The following EFNA5 variants were observed in gnomAD, a reference collection of about 807,000 sequenced individuals.
EFNA5 encodes ephrin A5.
In EFNA5, 5 loss-of-function variants were observed where a neutral mutation model predicts 22.9. The ratio of observed to expected loss-of-function variants is 0.22; its 90% CI spans 0.11 to 0.46. The LOEUF (loss-of-function observed/expected upper bound fraction) is 0.46. Ranked by LOEUF, EFNA5 falls within the 20% of genes least tolerant of loss-of-function variation. The pLI, the probability that EFNA5 is intolerant of heterozygous loss-of-function variation, is 0.99. For synonymous variants in EFNA5, 113 were observed against 112.2 expected (o/e 1.01, Z -0.04); for missense variants, 237 against 293.3 (o/e 0.81, Z 1.40).
chr5:107,527,733 T>C (rs1747726255), intron 1 of EFNA5, among the ~76,000 whole-genome samples: 1 of 152,170 alleles, frequency 6.6e-6, no homozygotes, highest in Admixed American at 6.5e-5. Context: ...TTATTTCAGA[T>C]GCCCAACACC....
intron 1 of EFNA5, among the ~76,000 whole-genome samples, chr5:107,583,453 A>G (rs1332832280): frequency 6.6e-6 from 1 of 152,228 alleles, no homozygotes; most frequent in Non-Finnish European, 1.5e-5. Context: ...GCAAGGCAAC[A>G]GAAATACAAT....
At chr5:107,444,370 C>T (rs1011535408) in intron 1 of EFNA5, among the ~76,000 whole-genome samples, 1 of 152,214 alleles carries the variant, frequency 6.6e-6, no homozygotes, top group Non-Finnish European at 1.5e-5. Flanking sequence ...TTAGAATCCT[C>T]GCTGACTTAA....
chr5:107,399,669 A>C (rs1748034389), intron 2 of EFNA5, among the ~76,000 whole-genome samples: 1 of 152,200 alleles, frequency 6.6e-6, no homozygotes, highest in Non-Finnish European at 1.5e-5. Context: ...AGATCAGAGA[A>C]ACCTCTCAGC....
At chr5:107,413,020 T>C (rs1748411868) in intron 2 of EFNA5, among the ~76,000 whole-genome samples, 1 of 152,196 alleles carries the variant, frequency 6.6e-6, no homozygotes, top group African/African-American at 2.4e-5. Flanking sequence ...ACTAGGAAAG[T>C]AACTAATTGC....
intron 1 of EFNA5, among the ~76,000 whole-genome samples, chr5:107,549,010 T>C (rs1748229589): frequency 6.6e-6 from 1 of 152,242 alleles, no homozygotes; most frequent in East Asian, 1.9e-4. Flanking sequence ...AATTGTGTAA[T>C]TGATTTACCC....
At chr5:107,496,624 G>C (rs1251808041) in intron 1 of EFNA5, among the ~76,000 whole-genome samples, 1 of 152,186 alleles carries the variant, frequency 6.6e-6, no homozygotes, top group Non-Finnish European at 1.5e-5. Flanking sequence ...TGCCTTTTGT[G>C]GGAAAATGTT....
chr5:107,428,122 T>A (rs914798413), intron 1 of EFNA5, among the ~76,000 whole-genome samples: 3 of 152,206 alleles, frequency 2.0e-5, no homozygotes, highest in African/African-American at 4.8e-5. Flanking sequence ...GATGAAGCAG[T>A]GAGTGATTGA....
At chr5:107,521,967 T>C (rs575473529) in intron 1 of EFNA5, among the ~76,000 whole-genome samples, 8 of 152,300 alleles carry the variant, frequency 5.3e-5, no homozygotes, top group African/African-American at 1.7e-4. Flanking sequence ...TAGTTAGGAC[T>C]ACAGGTACAC....
chr5:107,496,506 G>A (rs760340186), intron 1 of EFNA5, among the ~76,000 whole-genome samples: 2 of 152,092 alleles, frequency 1.3e-5, no homozygotes, highest in Non-Finnish European at 2.9e-5. Context: ...GCCTTTAGGA[G>A]GGATTGAGAA....
In EFNA5 at chr5:107,452,111, A is replaced by C. The variant is rs1334070163; in HGVS notation, c.126-24602T>G. Among the ~76,000 whole-genome samples the C allele has an allele frequency of 3.3e-5, 5 of 152,216 alleles. No homozygotes were observed. In the East Asian group the frequency reaches 9.7e-4, roughly 29 times the overall value. On this transcript the variant is annotated intron_variant, in intron 1 of 4. Transcript: ENST00000333274. ...ATTATCCTCAGCAAACTAACACAGG[A>C]ACAGAAAACTAAACAGCACATATTC...
At chr5:107,414,245 C>T (rs1188390067) in intron 2 of EFNA5, among the ~76,000 whole-genome samples, 5 of 152,160 alleles carry the variant, frequency 3.3e-5, no homozygotes, top group East Asian at 3.8e-4. Context: ...TTTGGGATAG[C>T]GTCTTAAGCC....
chr5:107,587,502 T>C (rs1749214401), intron 1 of EFNA5, among the ~76,000 whole-genome samples: 1 of 152,168 alleles, frequency 6.6e-6, no homozygotes, highest in Non-Finnish European at 1.5e-5. Context: ...CTCCTTGTTT[T>C]TGCCACCTAT....
chr5:107,542,346 C>T (rs1748065969), intron 1 of EFNA5, among the ~76,000 whole-genome samples: 1 of 152,144 alleles, frequency 6.6e-6, no homozygotes, highest in African/African-American at 2.4e-5. Context: ...CCTATAGGCA[C>T]AGTGAGAATT....
chr5:107,507,914 A>G (rs944776959), intron 1 of EFNA5, among the ~76,000 whole-genome samples: 6 of 152,240 alleles, frequency 3.9e-5, no homozygotes, highest in African/African-American at 1.4e-4. Flanking sequence ...GAGAATGAGC[A>G]AAGATTAACC....
chr5:107,422,606 T>C (rs1004360964), intron 2 of EFNA5, among the ~76,000 whole-genome samples: 9 of 152,136 alleles, frequency 5.9e-5, no homozygotes, highest in Non-Finnish European at 1.0e-4. Context: ...TGTAGGAGTG[T>C]ACTGGATAGG....
intron 1 of EFNA5, among the ~76,000 whole-genome samples, chr5:107,428,957 C>T (rs1327794028): frequency 6.6e-6 from 1 of 152,222 alleles, no homozygotes; most frequent in Non-Finnish European, 1.5e-5. Flanking sequence ...ATCTTCCTTT[C>T]TGCAGACATT....
intron 1 of EFNA5, among the ~76,000 whole-genome samples, chr5:107,525,419 T>A (rs576186529): frequency 1.3e-5 from 2 of 152,320 alleles, no homozygotes; most frequent in Admixed American, 6.5e-5. Flanking sequence ...CATGAGCACC[T>A]TACATTTGAC....
At chr5:107,548,009 A>G (rs1748206327) in intron 1 of EFNA5, among the ~76,000 whole-genome samples, 1 of 152,202 alleles carries the variant, frequency 6.6e-6, no homozygotes, top group South Asian at 2.1e-4. Flanking sequence ...AAATTCTGTA[A>G]ACCCTGTCTA....
At chr5:107,390,805 A>C (rs145516293) in intron 2 of EFNA5, among the ~76,000 whole-genome samples, 1 of 152,306 alleles carries the variant, frequency 6.6e-6, no homozygotes, top group Non-Finnish European at 1.5e-5. Flanking sequence ...GATAACGAAT[A>C]ATTATAAAAA....
Sources: gnomAD v4.1 joint callset for allele counts (sites outside exome capture counted in the v4.1 genomes callset) on GRCh38, gnomAD v4.1.1 for gene constraint, MANE v1.5 for transcripts, NCBI Gene and HGNC (gene_info 2026-07-23, HGNC 2026-07-21) for gene names.